Variants in SPNS3 observed in about 807,000 individuals in gnomAD.
SPNS3 encodes SPNS lysolipid transporter 3, sphingosine-1-phosphate (putative), also known as protein spinster homolog 3.
A neutral mutation model predicts 54.4 loss-of-function variants in SPNS3; 51 were observed. The observed-to-expected ratio is 0.94, with a 90% CI of 0.75 to 1.18. The LOEUF is 1.18. Ranked by LOEUF, SPNS3 falls within the 50% of genes most tolerant of loss-of-function variation. SPNS3 has a pLI of 0.00. For missense variants in SPNS3, 669 were observed against 677.4 expected, an observed-to-expected ratio of 0.99 and a Z score of 0.14; for synonymous variants, 309 against 294.7, an observed-to-expected ratio of 1.05 and a Z score of -0.50.
chr17:4,474,969 T>A (rs1007858127), intron 8 of SPNS3, among the ~76,000 whole-genome samples: 20 of 152,160 alleles, frequency 1.3e-4, no homozygotes, highest in Admixed American at 4.6e-4. Context: ...TGTGTGTGAG[T>A]GTGCTTGTGT....
At chr17:4,445,206 C>G (rs1970952451) in intron 3 of SPNS3, 38 bp downstream of exon 3, 1 of 1,570,864 alleles carries the variant, frequency 6.4e-7, no homozygotes, top group Non-Finnish European at 8.7e-7. Context: ...CCTGAGGCCC[C>G]TTCCCCACCT....
chr17:4,487,804 A>G lies in SPNS3; in HGVS notation c.1451-2A>G. The stretch of plus-strand genomic sequence containing the variant: ...GCAGGCTGAGCATCTTTCCTCCTGC[A>G]GGGACCCCAGACAGCAATGATGTGG... On this transcript the variant is annotated splice_acceptor_variant, in intron 11 of 11. Coordinates refer to ENST00000355530, the MANE Select transcript of SPNS3 (RefSeq NM_182538.5). LOFTEE classifies it high-confidence loss of function. 1.2e-6 allele frequency: 2 copies of G among 1,613,876 alleles called. No individual in the cohort carries two copies. Among genetic ancestry groups the G allele is most frequent in the Non-Finnish European group, 1.7e-6 (2 of 1,179,760 alleles).
intron 8 of SPNS3, among the ~76,000 whole-genome samples, chr17:4,476,479 A>G (rs1349997486): frequency 6.6e-6 from 1 of 152,154 alleles, no homozygotes; most frequent in Non-Finnish European, 1.5e-5. Context: ...TGGGCTGCAC[A>G]GAGGTCACAG....
At chr17:4,487,652 A>G (rs924597085) in intron 11 of SPNS3, among the ~76,000 whole-genome samples, 154 bp from the exon 12 acceptor site, 9 of 152,256 alleles carry the variant, frequency 5.9e-5, no homozygotes, top group Admixed American at 2.0e-4. Flanking sequence ...AGACCACGCC[A>G]GTGGCATTGA....
intron 8 of SPNS3, among the ~76,000 whole-genome samples, chr17:4,455,788 A>G (rs56282261): frequency 0.27 from 40,351 of 152,004 alleles, 5,550 homozygotes; most frequent in Middle Eastern, 0.38. Context: ...GATGACATGC[A>G]TCTGAGTGTC....
At chr17:4,439,768 C>G (rs774286789) in intron 2 of SPNS3, 45 bp downstream of exon 2, 178 of 1,545,810 alleles carry the variant, frequency 1.2e-4, no homozygotes, top group Non-Finnish European at 1.5e-4. Flanking sequence ...TGGGTTCATG[C>G]TGGGGTGGGC....
At chr17:4,470,385 G>A (rs1311344607) in intron 8 of SPNS3, among the ~76,000 whole-genome samples, 10 of 152,226 alleles carry the variant, frequency 6.6e-5, no homozygotes, top group Admixed American at 3.9e-4. Context: ...CCGAGATCAC[G>A]CCACTGCACT....
intron 8 of SPNS3, among the ~76,000 whole-genome samples, chr17:4,455,151 C>T (rs1026851144): frequency 1.3e-5 from 2 of 151,978 alleles, no homozygotes; most frequent in African/African-American, 4.8e-5. Context: ...TGACCTCAGG[C>T]GATCCGCCTG....
At chr17:4,446,222 CT>C in intron 4 of SPNS3, 23 bp downstream of exon 4, 1 of 1,593,296 alleles carries the variant, frequency 6.3e-7, no homozygotes, top group African/African-American at 1.3e-5. Flanking sequence ...CGTGGGTCTA[CT>C]TCCCCAGGTG....
At chr17:4,471,394 C>T (rs1289371298) in intron 8 of SPNS3, among the ~76,000 whole-genome samples, 1 of 152,144 alleles carries the variant, frequency 6.6e-6, no homozygotes, top group Non-Finnish European at 1.5e-5. Context: ...TTTATCTACC[C>T]CTTGTCCCCC....
chr17:4,451,462 T>G (rs925564002), intron 7 of SPNS3, among the ~76,000 whole-genome samples: 2 of 152,048 alleles, frequency 1.3e-5, no homozygotes, highest in African/African-American at 4.8e-5. Flanking sequence ...CTCAGTCATT[T>G]GTGCAAAGTG....
rs773549831 is a variant in SPNS3, at chr17:4,449,407, C to T, written c.923+20C>T. 2.6e-6 allele frequency: 4 copies of T among 1,559,956 alleles called. No individual in the cohort carries two copies. The highest frequency in any genetic ancestry group is 1.4e-5 in the African/African-American group (1 of 72,704). ...CGACAGGTGAGGGCATCCGGGGGCC[C>T]TGGGCACCTGGCCCGGCTCGGGGGC... On this transcript the variant is annotated intron_variant, in intron 7 of 11. Transcript: ENST00000355530.
In SPNS3 at chr17:4,477,813, C is replaced by T. The variant is rs1972043438; in HGVS notation, c.1114-759C>T. Among the ~76,000 whole-genome samples the T allele has an allele frequency of 2.0e-5, 3 of 152,080 alleles. No homozygotes were observed. The South Asian group carries it at 6.2e-4, about 32-fold the overall frequency. On this transcript the variant is annotated intron_variant, in intron 8 of 11. Coordinates refer to ENST00000355530, the MANE Select transcript of SPNS3 (RefSeq NM_182538.5). ...AAGGGAAGGGGATGGCCCGGAGGGT[C>T]CTTTGGTGGGGTGCCTGGGGCTGGG...
At chr17:4,441,117 CACA>C (rs1313160334) in intron 2 of SPNS3, among the ~76,000 whole-genome samples, 2 of 152,248 alleles carry the variant, frequency 1.3e-5, no homozygotes, top group Non-Finnish European at 2.9e-5. Flanking sequence ...TAAAAAAATA[CACA>C]ACAACGCTGG....
intron 8 of SPNS3, among the ~76,000 whole-genome samples, chr17:4,468,976 G>A (rs1028730783): frequency 2.6e-5 from 4 of 151,644 alleles, no homozygotes; most frequent in South Asian, 2.1e-4. Context: ...TGGTAGAGAC[G>A]GGGGTTTCAC....
intron 5 of SPNS3, 26 bp downstream of exon 5, chr17:4,446,988 T>A (rs1420688157): frequency 6.2e-7 from 1 of 1,613,168 alleles, no homozygotes; most frequent in Non-Finnish European, 8.5e-7. Flanking sequence ...TTTTCTTCCC[T>A]CTGCTTTCCC....
Position 4,440,043 on chromosome 17 carries a change from G to A in SPNS3, c.265+320G>A, listed in dbSNP as rs80165564. ...GGTGAGGCTCAGCGGTGCACCAGAG[G>A]CTTGCTGGGCTTTGAGAAATCCTGA... is the stretch of plus-strand genomic sequence containing the variant. On this transcript the variant is annotated intron_variant, in intron 2 of 11. Transcript: ENST00000355530. Among the ~76,000 whole-genome samples the A allele has an allele frequency of 4.2e-3, 639 of 152,264 alleles. 7 individuals carry two copies. The highest frequency in any genetic ancestry group is 0.014 in the Middle Eastern group (4 of 294).
At chr17:4,458,642 TTTCTTTCCTTCC>T (rs1971410174) in intron 8 of SPNS3, among the ~76,000 whole-genome samples, 9 of 133,622 alleles carry the variant, frequency 6.7e-5, no homozygotes, top group East Asian at 2.1e-4. Flanking sequence ...TCTTTCTTTC[TTTCTTTCCTTCC>T]TTCTTTCTTT....
At chr17:4,450,837 A>G (rs1237517438) in intron 7 of SPNS3, among the ~76,000 whole-genome samples, 5 of 145,054 alleles carry the variant, frequency 3.4e-5, no homozygotes, top group Non-Finnish European at 6.0e-5. Flanking sequence ...CGGACTCCTG[A>G]CCTCGAATGA....
Sources: allele counts gnomAD v4.1 joint callset (sites outside exome capture counted in the v4.1 genomes callset), GRCh38; gene constraint gnomAD v4.1.1; transcripts MANE v1.5; gene names NCBI Gene and HGNC (gene_info 2026-07-23, HGNC 2026-07-21).